The following MECOM variants were observed in gnomAD, a reference collection of about 807,000 sequenced individuals.
MECOM encodes the protein histone-lysine N-methyltransferase MECOM.
In MECOM, 13 loss-of-function variants were observed where a neutral mutation model predicts 116.3. The observed-to-expected ratio is 0.11, with a 90% CI of 0.07 to 0.18. The LOEUF (loss-of-function observed/expected upper bound fraction) is 0.18. Among genes scored for constraint, MECOM ranks in the 10% least tolerant of loss-of-function variants. The probability of loss-of-function intolerance (pLI) is 1.00; values close to 1 mark genes in which losing one functional copy is unlikely to be tolerated. For synonymous variants in MECOM, 528 were observed against 535.2 expected (o/e 0.99, Z 0.19); for missense variants, 1,299 against 1,509.0 (o/e 0.86, Z 2.31).
chr3:169,200,519 G>T lies in MECOM; in HGVS notation c.376-56687C>A, dbSNP rs572228303. Among the ~76,000 whole-genome samples, 3 of 152,120 alleles carry T rather than the reference G, an allele frequency of 2.0e-5. No homozygotes were observed. In the East Asian group the frequency reaches 5.8e-4, roughly 29 times the overall value. On this transcript the variant is annotated intron_variant, in intron 2 of 16. Coordinates refer to ENST00000651503, the MANE Select transcript of MECOM (RefSeq NM_004991.4). ...AAAACCATGGGAAACTTGTCATTTA[G>T]CAGAGTTCTAATGAGTAAAGTGGAT... is the stretch of plus-strand genomic sequence containing the variant.
intron 2 of MECOM, among the ~76,000 whole-genome samples, chr3:169,312,122 T>C (rs1239509851): frequency 1.3e-5 from 2 of 152,156 alleles, no homozygotes; most frequent in East Asian, 1.9e-4. Context: ...CTTATGTTTT[T>C]AATCAGTCAC....
At chr3:169,622,829 T>A (rs1770916521) in intron 1 of MECOM, among the ~76,000 whole-genome samples, 1 of 152,118 alleles carries the variant, frequency 6.6e-6, no homozygotes, top group Non-Finnish European at 1.5e-5. Flanking sequence ...GGCGCTGGGG[T>A]CAGACTGCCC....
intron 7 of MECOM, among the ~76,000 whole-genome samples, chr3:169,120,613 C>G (rs887714771): frequency 6.6e-5 from 10 of 152,218 alleles, no homozygotes; most frequent in African/African-American, 2.2e-4. Flanking sequence ...TACATGCACA[C>G]AGAGCCGTAA....
intron 1 of MECOM, among the ~76,000 whole-genome samples, chr3:169,427,913 T>C (rs1224748616): frequency 6.6e-6 from 1 of 152,192 alleles, no homozygotes; most frequent in East Asian, 1.9e-4. Context: ...AAGGAGGTAG[T>C]CTTTAAAGTG....
At chr3:169,147,894 G>T (rs759438203) in intron 2 of MECOM, among the ~76,000 whole-genome samples, 197 of 151,626 alleles carry the variant, frequency 1.3e-3, no homozygotes, top group Non-Finnish European at 2.1e-3. Context: ...GGAGTGGGGA[G>T]GATAAAGCTT....
rs553350554 is a variant in MECOM at position 169,176,343 on chromosome 3, A to T, written c.376-32511T>A. Among the ~76,000 whole-genome samples, 76 of 152,084 alleles carry T rather than the reference A, an allele frequency of 5.0e-4. 1 individual carries two copies. Among genetic ancestry groups the T allele is most frequent in the African/African-American group, 1.8e-3 (75 of 41,544 alleles). Reference sequence around the variant, plus strand: ...CATGAAATATAAGAATGAGGTAGGCATTGACAAAAACAAGCAATGAGGAAA... The same window carrying T: ...CATGAAATATAAGAATGAGGTAGGCTTTGACAAAAACAAGCAATGAGGAAA... On this transcript the variant is annotated intron_variant, in intron 2 of 16. Coordinates refer to ENST00000651503, the MANE Select transcript of MECOM (RefSeq NM_004991.4).
At chr3:169,096,516 C>T (rs1241933242) in intron 12 of MECOM, among the ~76,000 whole-genome samples, 1 of 152,088 alleles carries the variant, frequency 6.6e-6, no homozygotes, top group Admixed American at 6.6e-5. Flanking sequence ...GTGATCCACA[C>T]ACCTCAGCCT....
At chr3:169,336,990 A>G (rs1256430572) in intron 2 of MECOM, among the ~76,000 whole-genome samples, 1 of 152,150 alleles carries the variant, frequency 6.6e-6, no homozygotes, top group Non-Finnish European at 1.5e-5. Context: ...GACTAGAATA[A>G]CTATTTTTTA....
intron 2 of MECOM, among the ~76,000 whole-genome samples, chr3:169,229,382 C>T (rs1258695948): frequency 6.6e-6 from 1 of 152,204 alleles, no homozygotes; most frequent in African/African-American, 2.4e-5. Context: ...GCTTATGAGA[C>T]TGAGAAATTA....
At chr3:169,471,461 T>C (rs1749232144) in intron 1 of MECOM, among the ~76,000 whole-genome samples, 1 of 124,090 alleles carries the variant, frequency 8.1e-6, no homozygotes, top group African/African-American at 2.8e-5. Flanking sequence ...AAAGCAGATT[T>C]ATCATTTAAT....
chr3:169,274,576 G>C (rs571918374), intron 2 of MECOM, among the ~76,000 whole-genome samples: 4 of 151,982 alleles, frequency 2.6e-5, no homozygotes, highest in African/African-American at 7.3e-5. Context: ...AGAACTAAAG[G>C]GGGTAGTTTT....
At chr3:169,361,336 T>C (rs1728272736) in intron 2 of MECOM, among the ~76,000 whole-genome samples, 1 of 151,762 alleles carries the variant, frequency 6.6e-6, no homozygotes, top group East Asian at 2.0e-4. Flanking sequence ...CACTTCCCAG[T>C]GGTATTCAGA....
At chr3:169,616,175 C>A (rs1271157241) in intron 1 of MECOM, among the ~76,000 whole-genome samples, 1 of 152,172 alleles carries the variant, frequency 6.6e-6, no homozygotes, top group Non-Finnish European at 1.5e-5. Context: ...GGGACAATTG[C>A]TGGGAAACCT....
intron 2 of MECOM, among the ~76,000 whole-genome samples, chr3:169,350,542 T>G (rs527355969): frequency 6.6e-6 from 1 of 152,060 alleles, no homozygotes; most frequent in East Asian, 1.9e-4. Context: ...TAGTCCAAAT[T>G]ATGAGGTGTT....
At chr3:169,410,407 G>A (rs1377756490) in intron 1 of MECOM, among the ~76,000 whole-genome samples, 1 of 152,168 alleles carries the variant, frequency 6.6e-6, no homozygotes, top group African/African-American at 2.4e-5. Context: ...GAACCTCATT[G>A]ACATGGCCTT....
At chr3:169,233,125 G>A (rs759722210) in intron 2 of MECOM, among the ~76,000 whole-genome samples, 34 of 152,200 alleles carry the variant, frequency 2.2e-4, no homozygotes, top group Middle Eastern at 3.4e-3. Flanking sequence ...AGATAGTGAC[G>A]TCTGATACTG....
chr3:169,561,233 A>G (rs1762596855), intron 1 of MECOM, among the ~76,000 whole-genome samples: 1 of 152,098 alleles, frequency 6.6e-6, no homozygotes, highest in Non-Finnish European at 1.5e-5. Flanking sequence ...TTGTACAATC[A>G]CTTTGGAGAC....
At chr3:169,095,299 A>C in intron 12 of MECOM, 54 bp from the exon 13 acceptor site, 48 of 1,472,620 alleles carry the variant, frequency 3.3e-5, no homozygotes, top group Non-Finnish European at 3.9e-5. Flanking sequence ...GGTATTTCTC[A>C]AGACTAGTTA....
At chr3:169,239,592 A>G (rs1389446632) in intron 2 of MECOM, among the ~76,000 whole-genome samples, 1 of 152,060 alleles carries the variant, frequency 6.6e-6, no homozygotes, top group Non-Finnish European at 1.5e-5. Context: ...GATGAAAATA[A>G]TATGAGAACT....
Sources: allele counts gnomAD v4.1 joint callset (sites outside exome capture counted in the v4.1 genomes callset), GRCh38; gene constraint gnomAD v4.1.1; transcripts MANE v1.5; gene names NCBI Gene and HGNC (gene_info 2026-07-23, HGNC 2026-07-21).